Variants in TENM4 observed in about 807,000 individuals in gnomAD.
TENM4 encodes the protein teneurin-4.
In TENM4, 82 loss-of-function variants were observed where a neutral mutation model predicts 243.3. The ratio of observed to expected loss-of-function variants is 0.34; its 90% CI spans 0.28 to 0.40. The LOEUF is 0.40. TENM4 is among the 10% of genes least tolerant of loss of function. The probability of loss-of-function intolerance (pLI) is 1.00; values close to 1 mark genes in which losing one functional copy is unlikely to be tolerated. For synonymous variants in TENM4, 1,412 were observed against 1,456.3 expected (o/e 0.97, Z 0.69); for missense variants, 3,138 against 3,673.3 (o/e 0.85, Z 3.77).
At chr11:78,662,887 C>T (rs1219739960) in intron 32 of TENM4, among the ~76,000 whole-genome samples, 1 of 150,282 alleles carries the variant, frequency 6.7e-6, no homozygotes, top group African/African-American at 2.4e-5. Context: ...GCATTTAAGC[C>T]AGTTACTGAA....
At chr11:79,074,927 C>T (rs58190911) in intron 4 of TENM4, among the ~76,000 whole-genome samples, 1,583 of 152,286 alleles carry the variant, frequency 0.01, 34 homozygotes, top group African/African-American at 0.036. Context: ...ACAGCCCAGG[C>T]GTCTCACCAT....
intron 6 of TENM4, among the ~76,000 whole-genome samples, chr11:79,023,391 C>G (rs1320417752): frequency 6.6e-6 from 1 of 152,002 alleles, no homozygotes; most frequent in Non-Finnish European, 1.5e-5. Context: ...AAAACCCCGT[C>G]TCTACTAAAA....
intron 2 of TENM4, among the ~76,000 whole-genome samples, chr11:79,231,616 G>A (rs993699546): frequency 5.9e-5 from 9 of 152,184 alleles, no homozygotes; most frequent in African/African-American, 1.4e-4. Flanking sequence ...CGCTTCTGAT[G>A]TCCTTATCTG....
intron 19 of TENM4, among the ~76,000 whole-genome samples, chr11:78,741,721 G>C (rs929678123): frequency 6.6e-6 from 1 of 152,158 alleles, no homozygotes; most frequent in Admixed American, 6.5e-5. Context: ...CTGGAACACT[G>C]ACCCTACACT....
At chr11:78,870,783 C>T (rs1859102376) in intron 9 of TENM4, among the ~76,000 whole-genome samples, 1 of 152,130 alleles carries the variant, frequency 6.6e-6, no homozygotes, top group South Asian at 2.1e-4. Flanking sequence ...AGGCAGGGAA[C>T]AGGTGAGCCC....
intron 3 of TENM4, among the ~76,000 whole-genome samples, chr11:79,176,250 G>A (rs1863156677): frequency 6.6e-6 from 1 of 152,180 alleles, no homozygotes; most frequent in South Asian, 2.1e-4. Flanking sequence ...CTCATTAAAG[G>A]TGGTTGCATT....
At chr11:79,237,419 A>G (rs1421288048) in intron 2 of TENM4, among the ~76,000 whole-genome samples, 10 of 152,202 alleles carry the variant, frequency 6.6e-5, no homozygotes, top group Non-Finnish European at 1.0e-4. Flanking sequence ...GCTCATGCCT[A>G]TAATCCCAGC....
intron 2 of TENM4, among the ~76,000 whole-genome samples, chr11:79,267,818 T>C (rs961801813): frequency 1.3e-5 from 2 of 152,212 alleles, no homozygotes; most frequent in African/African-American, 2.4e-5. Flanking sequence ...CTATGATTCT[T>C]ACAGAGCCCA....
chr11:78,781,435 G>C (rs148704504), intron 16 of TENM4, among the ~76,000 whole-genome samples: 104 of 152,266 alleles, frequency 6.8e-4, no homozygotes, highest in African/African-American at 2.3e-3. Flanking sequence ...GATAATAAAG[G>C]TACTATAGCT....
chr11:79,407,852 C>G (rs981296151), intron 1 of TENM4, among the ~76,000 whole-genome samples: 3 of 151,738 alleles, frequency 2.0e-5, no homozygotes, highest in African/African-American at 2.4e-5. Context: ...CCCAGGGTTT[C>G]TCATTCAGTA....
chr11:79,041,359 C>T lies in TENM4; in HGVS notation c.493+23379G>A, dbSNP rs567046053. Among the ~76,000 whole-genome samples, 11 of 152,218 alleles carry T rather than the reference C, an allele frequency of 7.2e-5. No homozygotes were observed. The South Asian group carries it at 8.3e-4, about 12-fold the overall frequency. On this transcript the variant is annotated intron_variant, in intron 6 of 33. Coordinates refer to ENST00000278550, the MANE Select transcript of TENM4 (RefSeq NM_001098816.3). ...GATTATAGGCATGAGCCATCATGCCCGGCCTCATTTGTCTCTTGAAGCCCC... is the reference window on the plus strand; with the variant it reads ...GATTATAGGCATGAGCCATCATGCCTGGCCTCATTTGTCTCTTGAAGCCCC...
At chr11:78,853,985 G>C in intron 12 of TENM4, 119 bp downstream of exon 12, 5 of 1,010,846 alleles carry the variant, frequency 4.9e-6, no homozygotes, top group Middle Eastern at 3.1e-4. Context: ...CTCGTGCCAA[G>C]CTCCAGGGCC....
In TENM4 at chr11:78,931,825, C is replaced by T. The variant is rs151162135; in HGVS notation, c.494-28302G>A. Among the ~76,000 whole-genome samples the T allele has an allele frequency of 4.8e-3, 727 of 152,254 alleles. 2 individuals carry two copies. The highest frequency in any genetic ancestry group is 7.5e-3 in the Non-Finnish European group (507 of 68,026). On this transcript the variant is annotated intron_variant, in intron 6 of 33. Transcript: ENST00000278550. Reference sequence around the variant, plus strand: ...TTAATGAAACGCTGTGCTTTAGTTGCTTCATTTAAAAATGGCAATAAACCA... The same window carrying T: ...TTAATGAAACGCTGTGCTTTAGTTGTTTCATTTAAAAATGGCAATAAACCA...
chr11:78,958,292 T>C (rs539025812), intron 6 of TENM4, among the ~76,000 whole-genome samples: 12 of 152,364 alleles, frequency 7.9e-5, no homozygotes, highest in Non-Finnish European at 1.3e-4. Flanking sequence ...CACCAAGTTT[T>C]TAAAGCCCCT....
At chr11:78,918,321 C>T (rs919303905) in intron 6 of TENM4, among the ~76,000 whole-genome samples, 5 of 152,246 alleles carry the variant, frequency 3.3e-5, no homozygotes, top group Admixed American at 1.3e-4. Flanking sequence ...AAGGCACAAA[C>T]GACGCTAACT....
chr11:79,012,067 GGGAGGATCAA>G (rs1858658335), intron 6 of TENM4, among the ~76,000 whole-genome samples: 1 of 152,164 alleles, frequency 6.6e-6, no homozygotes. Context: ...TGCCAGCCCT[GGGAGGATCAA>G]GGAGGAACAA....
In TENM4 at chr11:78,689,795, C is replaced by A. The variant is rs375687768; in HGVS notation, c.5088-1569G>T. 3.7e-4 allele frequency among the ~76,000 whole-genome samples: 57 copies of A among 152,322 alleles called. No homozygotes were observed. The East Asian group carries it at 5.2e-3, about 14-fold the overall frequency. On this transcript the variant is annotated intron_variant, in intron 28 of 33. Coordinates refer to ENST00000278550, the MANE Select transcript of TENM4 (RefSeq NM_001098816.3). ...CTGGCACAGATCACAGCACTCTACA[C>A]TGAATCTAACAGTCCCTGGCACACT...
At position 78,830,783 on chromosome 11, in the gene TENM4, G is replaced by A. The variant is rs143599074; in HGVS notation, c.1682-16388C>T. On this transcript the variant is annotated intron_variant, in intron 12 of 33. Transcript: ENST00000278550. ...GACAGTAAATTAAGAGAGAGACTCCGGGCAGGAATACTTTCAAAAACATCC... is the reference window on the plus strand; with the variant it reads ...GACAGTAAATTAAGAGAGAGACTCCAGGCAGGAATACTTTCAAAAACATCC... Among the ~76,000 whole-genome samples the A allele has an allele frequency of 5.9e-5, 9 of 152,274 alleles. No individual in the cohort carries two copies. In the East Asian group the frequency reaches 9.6e-4, roughly 16 times the overall value.
chr11:79,281,090 C>T (rs1856149225), intron 2 of TENM4, among the ~76,000 whole-genome samples: 2 of 152,204 alleles, frequency 1.3e-5, no homozygotes, highest in Non-Finnish European at 1.5e-5. Context: ...GATGGCGTTA[C>T]GCTCTGCATA....
Sources: gnomAD v4.1 joint callset for allele counts (sites outside exome capture counted in the v4.1 genomes callset) on GRCh38, gnomAD v4.1.1 for gene constraint, MANE v1.5 for transcripts, NCBI Gene and HGNC (gene_info 2026-07-23, HGNC 2026-07-21) for gene names.